The following ATG10 variants were observed in gnomAD, a reference collection of about 807,000 sequenced individuals.
ATG10 encodes the protein autophagy related 10, also known as ubiquitin-like-conjugating enzyme ATG10.
ATG10 carries 30 observed loss-of-function variants against 32.1 expected under a neutral mutation model. The observed-to-expected ratio is 0.94, with a 90% CI of 0.70 to 1.27. ATG10 has a LOEUF of 1.27. ATG10 is among the 50% of genes most tolerant of loss of function. The pLI is 0.00. For synonymous variants in ATG10, 87 were observed against 91.5 expected (o/e 0.95, Z 0.28); for missense variants, 233 against 262.3 (o/e 0.89, Z 0.77).
At chr5:82,187,657 C>G (rs1031554144) in intron 5 of ATG10, among the ~76,000 whole-genome samples, 1 of 151,774 alleles carries the variant, frequency 6.6e-6, no homozygotes, top group African/African-American at 2.4e-5. Context: ...CTGACCTCTG[C>G]TCACTGCAAT....
intron 2 of ATG10, among the ~76,000 whole-genome samples, chr5:82,054,143 A>G (rs1016076261): frequency 1.3e-5 from 2 of 152,168 alleles, no homozygotes; most frequent in African/African-American, 4.8e-5. Flanking sequence ...GGAATCTGCT[A>G]GGTAGATTCT....
intron 3 of ATG10, among the ~76,000 whole-genome samples, chr5:82,150,409 A>C (rs1767545497): frequency 6.6e-6 from 1 of 152,338 alleles, no homozygotes; most frequent in Non-Finnish European, 1.5e-5. Context: ...CATGCAAATA[A>C]TTCTTTGCCA....
At chr5:82,008,859 G>T (rs1323593385) in intron 2 of ATG10, among the ~76,000 whole-genome samples, 2 of 152,020 alleles carry the variant, frequency 1.3e-5, no homozygotes, top group East Asian at 1.9e-4. Context: ...TATTTTATTT[G>T]TTTATTACAT....
chr5:81,987,125 CTT>C (rs1363163594), intron 1 of ATG10, among the ~76,000 whole-genome samples: 2 of 152,004 alleles, frequency 1.3e-5, no homozygotes, highest in African/African-American at 4.8e-5. Context: ...AACAAAAATA[CTT>C]TTTTATTTTT....
chr5:82,055,579 G>A (rs1581641977), intron 2 of ATG10, among the ~76,000 whole-genome samples: 2 of 152,120 alleles, frequency 1.3e-5, no homozygotes, highest in South Asian at 2.1e-4. Context: ...ATACAAAATA[G>A]AGCAGTTACC....
intron 5 of ATG10, among the ~76,000 whole-genome samples, chr5:82,188,237 T>G (rs1395906703): frequency 6.6e-6 from 1 of 152,190 alleles, no homozygotes; most frequent in Non-Finnish European, 1.5e-5. Flanking sequence ...CACTACATAA[T>G]AAAAACAAGA....
chr5:81,987,523 TA>T, intron 1 of ATG10, 35 bp from the exon 2 acceptor site: 1 of 1,384,266 alleles, frequency 7.2e-7, no homozygotes, highest in South Asian at 1.3e-5. Context: ...AATATAATTC[TA>T]AAGTTGATGC....
chr5:82,021,076 A>G, intron 2 of ATG10, among the ~76,000 whole-genome samples: 1 of 152,328 alleles, frequency 6.6e-6, no homozygotes. Context: ...GTTTAACAGA[A>G]GTCATTTTTT....
chr5:82,210,090 T>C (rs932627667), intron 5 of ATG10, among the ~76,000 whole-genome samples: 2 of 152,216 alleles, frequency 1.3e-5, no homozygotes, highest in Non-Finnish European at 2.9e-5. Flanking sequence ...AAGTTTGAAG[T>C]CCATGTCTGT....
chr5:82,091,839 TAGTC>T (rs1394029548), intron 3 of ATG10, among the ~76,000 whole-genome samples: 7 of 152,196 alleles, frequency 4.6e-5, no homozygotes, highest in African/African-American at 1.2e-4. Flanking sequence ...GGTTAATACA[TAGTC>T]AGGGAGCTGT....
chr5:82,092,918 A>G (rs1764939746), intron 3 of ATG10, among the ~76,000 whole-genome samples: 1 of 152,188 alleles, frequency 6.6e-6, no homozygotes, highest in African/African-American at 2.4e-5. Context: ...GAAAACAAGA[A>G]TGAGTAGGTT....
intron 3 of ATG10, among the ~76,000 whole-genome samples, chr5:82,161,080 A>C (rs556300617): frequency 6.6e-6 from 1 of 152,304 alleles, no homozygotes; most frequent in East Asian, 1.9e-4. Context: ...TATGTGTAGA[A>C]GTCTGAGATT....
Position 82,204,909 on chromosome 5 carries a change from AAT to A in ATG10, c.453+26323_453+26324del, listed in dbSNP as rs1168739715. On this transcript the variant is annotated intron_variant, in intron 5 of 7. Transcript: ENST00000282185. The stretch of plus-strand genomic sequence containing the variant: ...TTGGACGTTATCAGCAATAAATGGT[AAT>A]TGAAGCCATGAGAATAGATAAGGTC... 5.3e-3 allele frequency among the ~76,000 whole-genome samples: 809 copies of A among 152,322 alleles called. 11 individuals are homozygous for A. Among genetic ancestry groups the A allele is most frequent in the African/African-American group, 0.018 (765 of 41,572 alleles).
intron 2 of ATG10, among the ~76,000 whole-genome samples, chr5:81,988,312 T>C (rs1382776107): frequency 6.6e-6 from 1 of 152,000 alleles, no homozygotes; most frequent in Non-Finnish European, 1.5e-5. Context: ...AAATTTTTTG[T>C]ATTTTTAGTA....
intron 2 of ATG10, among the ~76,000 whole-genome samples, chr5:82,027,057 T>G (rs1050921385): frequency 6.8e-6 from 1 of 146,102 alleles, no homozygotes; most frequent in South Asian, 2.2e-4. Context: ...AGACTCCATC[T>G]CAGAAAAATG....
chr5:82,162,951 G>A (rs1743423195), intron 3 of ATG10, among the ~76,000 whole-genome samples: 1 of 151,952 alleles, frequency 6.6e-6, no homozygotes, highest in African/African-American at 2.4e-5. Context: ...CAAACCTGAG[G>A]TATAGGAGTG....
At chr5:82,175,809 A>G (rs972319348) in intron 4 of ATG10, among the ~76,000 whole-genome samples, 3 of 151,834 alleles carry the variant, frequency 2.0e-5, no homozygotes, top group Non-Finnish European at 4.4e-5. Context: ...CGTTTTCACC[A>G]TAGTATGTAT....
intron 3 of ATG10, among the ~76,000 whole-genome samples, chr5:82,130,804 C>G (rs527484414): frequency 4.6e-5 from 7 of 152,188 alleles, no homozygotes; most frequent in Admixed American, 2.6e-4. Context: ...ATCTTGCCAG[C>G]CACCCAAAAT....
intron 3 of ATG10, among the ~76,000 whole-genome samples, chr5:82,079,712 T>C (rs1239550300): frequency 6.6e-6 from 1 of 152,206 alleles, no homozygotes; most frequent in East Asian, 1.9e-4. Flanking sequence ...TTTTTATGGC[T>C]GCATAGTAAT....
Sources: allele counts gnomAD v4.1 joint callset (sites outside exome capture counted in the v4.1 genomes callset), GRCh38; gene constraint gnomAD v4.1.1; transcripts MANE v1.5; gene names NCBI Gene and HGNC (gene_info 2026-07-23, HGNC 2026-07-21).